Variants in SBNO2 observed in about 807,000 individuals in gnomAD.
The protein encoded by SBNO2 is strawberry notch homolog 2, also known as protein strawberry notch homolog 2.
SBNO2 carries 89 observed loss-of-function variants against 146.3 expected under a neutral mutation model. That is an observed-to-expected ratio of 0.61 (90% confidence interval 0.51 to 0.73). The LOEUF is 0.73. Among genes scored for constraint, SBNO2 ranks in the 30% least tolerant of loss-of-function variants. The pLI is 0.00. For missense variants in SBNO2, 2,092 were observed against 2,003.7 expected, an observed-to-expected ratio of 1.04 and a Z score of -0.84; for synonymous variants, 1,147 against 892.6, an observed-to-expected ratio of 1.29 and a Z score of -5.08.
At chr19:1,129,481 C>A (rs2080003891) in intron 4 of SBNO2, among the ~76,000 whole-genome samples, 1 of 152,086 alleles carries the variant, frequency 6.6e-6, no homozygotes, top group East Asian at 1.9e-4. Context: ...CGCCTGAGGC[C>A]CAGAGCCAGG....
Position 1,117,361 on chromosome 19 carries a change from G to T in SBNO2, c.1666C>A (p.Leu556Met). The change falls in exon 15 of 32, where the codon CTG becomes ATG. Residue 556 changes from leucine to methionine, a missense_variant. Leu to Met is a conservative substitution (Grantham distance 15, BLOSUM62 2). Transcript: ENST00000361757. ...AGCTCCTCTCGGGCCAGCTCCACCA[G>T]CCGGCGCACCTTGGCTGCGATGCAC... The part of the protein sequence containing the change: ...YLCIAAKVRR[L>M]VELAREELAR... 1 of 1,581,590 alleles carries T rather than the reference G, an allele frequency of 6.3e-7. No individual in the cohort carries two copies.
At position 1,109,804 on chromosome 19, in the gene SBNO2, G is replaced by C. The variant is rs1366134353; in HGVS notation, c.3029-27C>G. ...TAGGGGGGCGGGTGGAGGGTAAGTG[G>C]TGTCCAGGCCTGGGACTGTGGGCTG... is the stretch of plus-strand genomic sequence containing the variant. On this transcript the variant is annotated intron_variant, in intron 26 of 31. Coordinates refer to ENST00000361757, the MANE Select transcript of SBNO2 (RefSeq NM_014963.3). The surrounding 1 kb of genome is among the most constrained non-coding windows in gnomAD (Gnocchi z 4.2). 6.5e-7 allele frequency: 1 copy of C among 1,533,036 alleles called. No individual in the cohort carries two copies. The highest frequency in any genetic ancestry group is 1.2e-5 in the South Asian group (1 of 81,964). 95.0% of individuals were successfully genotyped at this position (1,533,036 alleles called of 1,614,324 possible).
At chr19:1,149,303 C>G in intron 3 of SBNO2, 66 bp downstream of exon 3, 1 of 1,446,186 alleles carries the variant, frequency 6.9e-7, no homozygotes, top group Non-Finnish European at 9.5e-7. Context: ...CCCAGAACTC[C>G]GTTTGTAACT....
Position 1,127,696 on chromosome 19 carries a change from T to C in SBNO2, c.349A>G (p.Ile117Val), listed in dbSNP as rs925604588. The C allele has an allele frequency of 2.5e-6, 4 of 1,613,572 alleles. No homozygotes were observed. Among genetic ancestry groups the C allele is most frequent in the Non-Finnish European group, 3.4e-6 (4 of 1,179,808 alleles). ...GGCAGGAAGTCGGGCGTGTCCACGA[T>C]GTCCGACAGGGAGTCCACGGACGAG... is the stretch of plus-strand genomic sequence containing the variant. ...FSSSVDSLSD[I>V]VDTPDFLPAD... Residue 117 changes from isoleucine (I) to valine (V), a missense_variant, in exon 5 of 32, where the codon ATC becomes GTC. Transcript: ENST00000361757.
At chr19:1,135,321 C>T (rs2080075589) in intron 4 of SBNO2, among the ~76,000 whole-genome samples, 1 of 152,092 alleles carries the variant, frequency 6.6e-6, no homozygotes, top group Admixed American at 6.6e-5. Flanking sequence ...ATGATCACAC[C>T]ACTGCACTCC....
chr19:1,111,194 G>A (rs775173408), intron 24 of SBNO2, 101 bp from the exon 25 acceptor site: 7 of 1,341,242 alleles, frequency 5.2e-6, no homozygotes, highest in South Asian at 1.4e-5. Flanking sequence ...TGGGGGGCTG[G>A]GGAGCAGCTG....
chr19:1,127,449 C>T, intron 5 of SBNO2, 155 bp downstream of exon 5: 1 of 725,350 alleles, frequency 1.4e-6, no homozygotes, highest in Non-Finnish European at 2.3e-6. Context: ...CAACTAACCA[C>T]CTCATCCATG....
At position 1,126,071 on chromosome 19, in the gene SBNO2, C is replaced by T. The variant is rs984545394; in HGVS notation, c.441+1533G>A. On this transcript the variant is annotated intron_variant, in intron 5 of 31. Transcript: ENST00000361757. The surrounding 1 kb of genome is among the most constrained non-coding windows in gnomAD (Gnocchi z 4.4). ...CCCCTTGAACTCCAACGTCCTGAGA[C>T]GGGTGAGGTTTCCGCCCAAGCCTGC... Among the ~76,000 whole-genome samples, 2 of 152,200 alleles carry T rather than the reference C, an allele frequency of 1.3e-5. No individual in the cohort carries two copies. The highest frequency in any genetic ancestry group is 2.4e-5 in the African/African-American group (1 of 41,452).
chr19:1,138,426 C>G (rs1208521454), intron 4 of SBNO2, among the ~76,000 whole-genome samples: 1 of 151,928 alleles, frequency 6.6e-6, no homozygotes, highest in Non-Finnish European at 1.5e-5. Flanking sequence ...CCAGCCAGAC[C>G]CAGTCATGCC....
rs571684950 is a variant in SBNO2 at position 1,147,315 on chromosome 19, A to C, written c.273T>G (p.Phe91Leu). The C allele has an allele frequency of 1.6e-5, 25 of 1,579,344 alleles. No homozygotes were observed. The African/African-American group carries it at 2.8e-4, about 17-fold the overall frequency. Residue 91 changes from phenylalanine to leucine, a missense_variant, in exon 4 of 32, where the codon TTT (phenylalanine) becomes TTG (leucine). Phe to Leu is a conservative substitution (Grantham distance 22). Transcript: ENST00000361757. Reference protein sequence around the residue: ...ASSLPPKTCDFAQDSSYFEDF... With the variant: ...ASSLPPKTCDLAQDSSYFEDF... Reference sequence around the variant, plus strand: ...GAGCTCCTGGGGCTCCTACCTGAGCAAAGTCGCAGGTCTTTGGTGGCAAGC... The same window carrying C: ...GAGCTCCTGGGGCTCCTACCTGAGCCAAGTCGCAGGTCTTTGGTGGCAAGC...
chr19:1,151,242 C>T (rs985036210), intron 2 of SBNO2, among the ~76,000 whole-genome samples: 8 of 152,144 alleles, frequency 5.3e-5, no homozygotes, highest in African/African-American at 1.4e-4. Flanking sequence ...CAGGCACACA[C>T]GGCGCCTTGG....
In SBNO2 at chr19:1,140,031, G is replaced by T. The variant is rs1375414162; in HGVS notation, c.279+7278C>A. Among the ~76,000 whole-genome samples the T allele has an allele frequency of 6.6e-6, 1 of 152,130 alleles. No homozygotes were observed. The highest frequency in any genetic ancestry group is 1.5e-5 in the Non-Finnish European group (1 of 68,030). ...AGAAGAAATGCAGGCCGGGCGCGGT[G>T]GCTCACGCCTGTAATCCCAATGCTT... On this transcript the variant is annotated intron_variant, in intron 4 of 31. Transcript: ENST00000361757. This position sits in a 1 kb window ranked among gnomAD's most constrained non-coding sequence, Gnocchi z 4.4.
chr19:1,133,140 G>T (rs1488209159), intron 4 of SBNO2, among the ~76,000 whole-genome samples: 1 of 152,176 alleles, frequency 6.6e-6, no homozygotes, highest in Non-Finnish European at 1.5e-5. Context: ...CAGAGGGGGT[G>T]GGAGGACGGC....
At chr19:1,121,644 C>T (rs1022582294) in intron 11 of SBNO2, among the ~76,000 whole-genome samples, 4 of 152,184 alleles carry the variant, frequency 2.6e-5, no homozygotes, top group Non-Finnish European at 4.4e-5. Flanking sequence ...CCCTCCGAAC[C>T]GCAGCCTGCC....
At position 1,147,441 on chromosome 19, in the gene SBNO2, G is replaced by T. The variant is rs201230813; in HGVS notation, c.168-21C>A. On this transcript the variant is annotated intron_variant, in intron 3 of 31. Coordinates refer to ENST00000361757, the MANE Select transcript of SBNO2 (RefSeq NM_014963.3). ...ACGGGCTGGAGGGAGATGGGGGGGGGGGAGGTGAGATGGGGTGCTCAACCC... is the reference window on the plus strand; with the variant it reads ...ACGGGCTGGAGGGAGATGGGGGGGGTGGAGGTGAGATGGGGTGCTCAACCC... 1,122 of 1,203,554 alleles carry T rather than the reference G, an allele frequency of 9.3e-4. 53 individuals carry two copies. The highest frequency in any genetic ancestry group is 3.3e-3 in the Middle Eastern group (12 of 3,584). 74.6% of individuals were successfully genotyped at this position (1,203,554 alleles called of 1,614,324 possible). A position where few individuals can be genotyped will look rare whatever the true frequency, so the allele number is the denominator to read the frequency against.
rs964019208 is a variant in SBNO2 at position 1,109,122 on chromosome 19, G to A, written c.3425+13C>T. The A allele has an allele frequency of 6.5e-6, 10 of 1,549,604 alleles. No individual in the cohort carries two copies. The highest frequency in any genetic ancestry group is 1.7e-4 in the Middle Eastern group (1 of 5,748). On this transcript the variant is annotated intron_variant, in intron 30 of 31. Transcript: ENST00000361757. This position sits in a 1 kb window ranked among gnomAD's most constrained non-coding sequence, Gnocchi z 4.2. Reference sequence around the variant, plus strand: ...ATCTGCCGGTTTCCCCCTGGTCCCCGGCCCGCCCTCACCAGGCGCTGTGGC... The same window carrying A: ...ATCTGCCGGTTTCCCCCTGGTCCCCAGCCCGCCCTCACCAGGCGCTGTGGC...
At position 1,112,098 on chromosome 19, in the gene SBNO2, C is replaced by T. The variant is rs1599823705; in HGVS notation, c.2629-31G>A. On this transcript the variant is annotated intron_variant, in intron 22 of 31. Transcript: ENST00000361757. The surrounding 1 kb of genome is among the most constrained non-coding windows in gnomAD (Gnocchi z 5.9). Reference sequence around the variant, plus strand: ...AGGGGTGGGGAGGCCATCAGTTGGTCACCTGGGGTCTGGCCTCTAGCACCC... The same window carrying T: ...AGGGGTGGGGAGGCCATCAGTTGGTTACCTGGGGTCTGGCCTCTAGCACCC... 6.2e-7 allele frequency: 1 copy of T among 1,611,308 alleles called. No homozygotes were observed. Among genetic ancestry groups the T allele is most frequent in the Non-Finnish European group, 8.5e-7 (1 of 1,179,158 alleles).
rs1208718343 is a variant in SBNO2 at position 1,136,319 on chromosome 19, G to C, written c.280-8554C>G. Among the ~76,000 whole-genome samples the C allele has an allele frequency of 1.3e-5, 2 of 152,246 alleles. No homozygotes were observed. Among genetic ancestry groups the C allele is most frequent in the Non-Finnish European group, 2.9e-5 (2 of 68,034 alleles). ...CTGGGAGGCTGGCACGGCTCCCCAG[G>C]AAACTGGGCTCCCTTCTGTCAGGGT... On this transcript the variant is annotated intron_variant, in intron 4 of 31. Coordinates refer to ENST00000361757, the MANE Select transcript of SBNO2 (RefSeq NM_014963.3). This position sits in a 1 kb window ranked among gnomAD's most constrained non-coding sequence, Gnocchi z 4.2.
chr19:1,157,229 A>G lies in SBNO2; in HGVS notation c.-126-2827T>C, dbSNP rs1405595657. On this transcript the variant is annotated intron_variant, in intron 1 of 31. Coordinates refer to ENST00000361757, the MANE Select transcript of SBNO2 (RefSeq NM_014963.3). This position sits in a 1 kb window ranked among gnomAD's most constrained non-coding sequence, Gnocchi z 6.8. The stretch of plus-strand genomic sequence containing the variant: ...TTCTTGCAGCAGCTGTGACCACGCC[A>G]TGTCTCTGGGGCATCCAGCTGCCCC... Among the ~76,000 whole-genome samples, 1 of 151,512 alleles carries G rather than the reference A, an allele frequency of 6.6e-6. No homozygotes were observed. Among genetic ancestry groups the G allele is most frequent in the Non-Finnish European group, 1.5e-5 (1 of 67,850 alleles).
Sources: allele counts gnomAD v4.1 joint callset (sites outside exome capture counted in the v4.1 genomes callset), GRCh38; gene constraint gnomAD v4.1.1; non-coding constraint Gnocchi (gnomAD v3.1); transcripts MANE v1.5; gene names NCBI Gene and HGNC (gene_info 2026-07-23, HGNC 2026-07-21).